The following PRH1 variants were observed in gnomAD, a reference collection of about 807,000 sequenced individuals.
PRH1 encodes salivary acidic proline-rich phosphoprotein 1/2.
In PRH1, 7 loss-of-function variants were observed where a neutral mutation model predicts 7.9. That is an observed-to-expected ratio of 0.89 (90% confidence interval 0.50 to 1.67). PRH1 has a LOEUF of 1.67. Ranked by LOEUF, PRH1 falls within the 40% of genes most tolerant of loss-of-function variation. The pLI, the probability that PRH1 is intolerant of heterozygous loss-of-function variation, is 0.00. For missense variants in PRH1, 109 were observed against 223.6 expected, an observed-to-expected ratio of 0.49 and a Z score of 3.27; for synonymous variants, 45 against 80.8, an observed-to-expected ratio of 0.56 and a Z score of 2.38.
chr12:10,984,017 G>A (rs1228846439), intron 1 of PRH1, among the ~76,000 whole-genome samples: 6 of 151,808 alleles, frequency 4.0e-5, no homozygotes, highest in Admixed American at 3.9e-4. Flanking sequence ...CAATTTAAAT[G>A]TTCATTTAGA....
chr12:11,170,420 G>C (rs554401980), intron 1 of PRH1, among the ~76,000 whole-genome samples: 2 of 152,178 alleles, frequency 1.3e-5, no homozygotes, highest in East Asian at 1.9e-4. Flanking sequence ...GGTGGCGGGC[G>C]CCTGTAGTCC....
At chr12:10,939,507 G>C (rs1950356907) in intron 2 of PRH1, among the ~76,000 whole-genome samples, 1 of 148,472 alleles carries the variant, frequency 6.7e-6, no homozygotes, top group African/African-American at 2.5e-5. Context: ...ATTCTCATTT[G>C]TAAACATGCA....
chr12:11,162,094 AC>A (rs1947435669), intron 1 of PRH1, among the ~76,000 whole-genome samples: 1 of 152,204 alleles, frequency 6.6e-6, no homozygotes, highest in South Asian at 2.1e-4. Context: ...CCAGGAAGGT[AC>A]CCTTCTCATC....
At chr12:11,024,905 C>T (rs1941832067) in intron 1 of PRH1, among the ~76,000 whole-genome samples, 1 of 152,168 alleles carries the variant, frequency 6.6e-6, no homozygotes, top group African/African-American at 2.4e-5. Context: ...TATCTCCAGC[C>T]TCTTTATTGC....
chr12:11,055,495 C>A (rs564300660), intron 1 of PRH1, among the ~76,000 whole-genome samples: 1 of 152,402 alleles, frequency 6.6e-6, no homozygotes, highest in East Asian at 1.9e-4. Context: ...TAATGTCAAG[C>A]AGGAACGCAC....
In PRH1 at chr12:10,949,618, A is replaced by T. The variant is rs138750756; in HGVS notation, c.-59+24037T>A. Among the ~76,000 whole-genome samples, 701 of 152,324 alleles carry T rather than the reference A, an allele frequency of 4.6e-3. 6 individuals are homozygous for T. The highest frequency in any genetic ancestry group is 0.016 in the African/African-American group (675 of 41,576). On this transcript the variant is annotated intron_variant, in intron 2 of 3. Transcript: ENST00000539853. ...TACCATTGTATCTATGCACATATGTAGTTTTGGCTTAATTTTTTATTATTT... is the reference window on the plus strand; with the variant it reads ...TACCATTGTATCTATGCACATATGTTGTTTTGGCTTAATTTTTTATTATTT...
chr12:11,041,307 A>AAAAAAAAAAAAAAAAAAAAAC (rs1565584500), intron 1 of PRH1, among the ~76,000 whole-genome samples: 3 of 97,210 alleles, frequency 3.1e-5, no homozygotes, highest in African/African-American at 4.4e-5. Flanking sequence ...AAAAAAAAAA[A>AAAAAAAAAAAAAAAAAAAAAC]AAAACAAAAA....
downstream of PRH1, among the ~76,000 whole-genome samples, chr12:11,117,919 G>T (rs1419626074): frequency 6.6e-6 from 1 of 152,138 alleles, no homozygotes; most frequent in African/African-American, 2.4e-5. Context: ...AATCAAAATG[G>T]ATTAAAGATG....
At chr12:11,037,525 T>C (rs1334060159) in intron 1 of PRH1, among the ~76,000 whole-genome samples, 6 of 152,232 alleles carry the variant, frequency 3.9e-5, no homozygotes, top group Admixed American at 1.3e-4. Flanking sequence ...TAGAGACACA[T>C]TTTTGGATAT....
At chr12:11,154,909 G>GT (rs1189403165) in intron 1 of PRH1, among the ~76,000 whole-genome samples, 2 of 102,028 alleles carry the variant, frequency 2.0e-5, no homozygotes, top group Non-Finnish European at 4.7e-5. Context: ...GAGGCTTCCT[G>GT]TTTAGTCAAA....
At chr12:11,129,691 G>C (rs77379594) in intron 1 of PRH1, among the ~76,000 whole-genome samples, 3 of 151,950 alleles carry the variant, frequency 2.0e-5, no homozygotes, top group African/African-American at 7.3e-5. Flanking sequence ...TGTGGGGCTA[G>C]TGATTTGGTG....
intron 2 of PRH1, among the ~76,000 whole-genome samples, chr12:10,919,661 T>C (rs1004396526): frequency 6.6e-6 from 1 of 152,032 alleles, no homozygotes; most frequent in African/African-American, 2.4e-5. Flanking sequence ...ATATCATTAG[T>C]TGAACAGTCT....
chr12:11,045,563 C>T (rs2708324), intron 1 of PRH1, among the ~76,000 whole-genome samples: 66,858 of 151,772 alleles, frequency 0.44, 15,536 homozygotes, highest in Non-Finnish European at 0.51. Context: ...TATGTATCCA[C>T]GAAACTTAAA....
At chr12:10,929,777 C>T (rs1272519946) in intron 2 of PRH1, among the ~76,000 whole-genome samples, 1 of 152,120 alleles carries the variant, frequency 6.6e-6, no homozygotes, top group Non-Finnish European at 1.5e-5. Context: ...AAACACTTGC[C>T]TCTGTCTACA....
intron 1 of PRH1, among the ~76,000 whole-genome samples, chr12:11,055,132 T>C: frequency 7.1e-6 from 1 of 140,718 alleles, no homozygotes; most frequent in East Asian, 2.1e-4. Flanking sequence ...GACATACTTC[T>C]TTTAACCAAA....
Position 11,094,268 on chromosome 12 carries a change from C to A in PRH1, n.124-47080G>T, listed in dbSNP as rs1213394586. 2.3e-5 allele frequency among the ~76,000 whole-genome samples: 2 copies of A among 88,530 alleles called. 1 individual carries two copies. Among genetic ancestry groups the A allele is most frequent in the African/African-American group, 7.5e-5 (2 of 26,530 alleles). The allele number at this position is 88,530 out of a possible 152,430, so 58.1% of individuals were successfully genotyped here. On this transcript the variant is annotated intron_variant and non_coding_transcript_variant, in intron 1 of 4. Coordinates refer to the PRH1 transcript ENST00000541977. ...AGTAAACTGAGATCACGCCACTGCA[C>A]CCCAGCCTGAGTGACAGACCAAGAC...
At chr12:11,105,802 T>A (rs563870716) in intron 1 of PRH1, among the ~76,000 whole-genome samples, 2 of 152,180 alleles carry the variant, frequency 1.3e-5, no homozygotes, top group South Asian at 4.1e-4. Flanking sequence ...GTAAATTTAA[T>A]TTTTCAACGT....
chr12:10,965,268 A>G (rs904743342), intron 2 of PRH1: 15 of 1,456,490 alleles, frequency 1.0e-5, no homozygotes, highest in African/African-American at 1.4e-5. Flanking sequence ...GAATTTACCA[A>G]CACTATGAAG....
At chr12:10,979,699 G>A (rs967684442) in intron 1 of PRH1, among the ~76,000 whole-genome samples, 12 of 152,174 alleles carry the variant, frequency 7.9e-5, no homozygotes, top group Non-Finnish European at 1.5e-5. Context: ...ATTATTAGGA[G>A]TTGATAGCAA....
Sources: gnomAD v4.1 joint callset for allele counts (sites outside exome capture counted in the v4.1 genomes callset) on GRCh38, gnomAD v4.1.1 for gene constraint, MANE v1.5 for transcripts, NCBI Gene and HGNC (gene_info 2026-07-23, HGNC 2026-07-21) for gene names.